Variants in CDH13 observed in about 807,000 individuals in gnomAD.
CDH13 encodes cadherin 13, also known as cadherin-13.
CDH13 carries 24 observed loss-of-function variants against 63.8 expected under a neutral mutation model. The observed-to-expected ratio is 0.38, with a 90% confidence interval of 0.27 to 0.53. CDH13 has a LOEUF of 0.53. Ranked by LOEUF, CDH13 falls within the 20% of genes least tolerant of loss-of-function variation. CDH13 has a pLI of 0.85. For synonymous variants in CDH13, 503 were observed against 355.3 expected (o/e 1.42, Z -4.67); for missense variants, 1,049 against 903.1 (o/e 1.16, Z -2.07).
chr16:82,720,002 G>A (rs552211353), intron 1 of CDH13, among the ~76,000 whole-genome samples: 5 of 152,098 alleles, frequency 3.3e-5, no homozygotes, highest in East Asian at 3.9e-4. Context: ...AAATTCTTAC[G>A]GCACGTTCCT....
At chr16:82,827,054 T>TA (rs1215045507) in intron 1 of CDH13, among the ~76,000 whole-genome samples, 1 of 152,238 alleles carries the variant, frequency 6.6e-6, no homozygotes, top group African/African-American at 2.4e-5. Context: ...AAATAGGGGT[T>TA]ATTTCTATCA....
At chr16:83,050,428 A>G (rs1017679317) in intron 3 of CDH13, among the ~76,000 whole-genome samples, 3 of 152,144 alleles carry the variant, frequency 2.0e-5, no homozygotes, top group Non-Finnish European at 4.4e-5. Flanking sequence ...GCAGTCCTTG[A>G]AATGCTCTTC....
At position 83,222,479 on chromosome 16, in the gene CDH13, T is replaced by A. The variant is rs190102229; in HGVS notation, c.636+4982T>A. 1.9e-4 allele frequency among the ~76,000 whole-genome samples: 29 copies of A among 152,304 alleles called. No homozygotes were observed. In the East Asian group the frequency reaches 4.3e-3, roughly 22 times the overall value. The stretch of plus-strand genomic sequence containing the variant: ...TTATAAGACGATTGGGAGATATAGA[T>A]GTACCCATATTAGAGAGTTATTTAA... On this transcript the variant is annotated intron_variant, in intron 5 of 13. Transcript: ENST00000567109.
intron 2 of CDH13, among the ~76,000 whole-genome samples, chr16:83,027,535 A>G: frequency 6.6e-6 from 1 of 152,152 alleles, no homozygotes; most frequent in Admixed American, 6.5e-5. Context: ...TGCAGTGAAG[A>G]CAAAGGCAGA....
intron 1 of CDH13, among the ~76,000 whole-genome samples, chr16:82,718,203 G>A (rs1459701593): frequency 6.6e-6 from 1 of 152,182 alleles, no homozygotes; most frequent in African/African-American, 2.4e-5. Flanking sequence ...GGGGACTCTG[G>A]GAGACAATGA....
chr16:83,229,824 G>C (rs1003145885), intron 5 of CDH13, among the ~76,000 whole-genome samples: 8 of 152,270 alleles, frequency 5.3e-5, no homozygotes, highest in African/African-American at 1.7e-4. Flanking sequence ...TCCTGTTTCT[G>C]CATGTGGGAC....
chr16:83,462,550 A>G (rs973415022), intron 6 of CDH13, among the ~76,000 whole-genome samples: 3 of 152,210 alleles, frequency 2.0e-5, no homozygotes, highest in Admixed American at 6.5e-5. Context: ...CAGGAGTTTG[A>G]GACCAGCCTG....
intron 1 of CDH13, among the ~76,000 whole-genome samples, chr16:82,855,298 C>T (rs1034189572): frequency 6.6e-6 from 1 of 152,192 alleles, no homozygotes; most frequent in Non-Finnish European, 1.5e-5. Flanking sequence ...CACAGCTCAC[C>T]TGCAGAGTGC....
chr16:82,938,902 C>T (rs2042748313), intron 2 of CDH13, among the ~76,000 whole-genome samples: 1 of 152,050 alleles, frequency 6.6e-6, no homozygotes, highest in African/African-American at 2.4e-5. Flanking sequence ...GAGGACTACT[C>T]CCAGAAAAAG....
At chr16:83,472,848 C>G (rs530126831) in intron 6 of CDH13, among the ~76,000 whole-genome samples, 1 of 152,066 alleles carries the variant, frequency 6.6e-6, no homozygotes, top group Non-Finnish European at 1.5e-5. Context: ...TCAGAGGATA[C>G]GAGGGTGAAT....
intron 2 of CDH13, among the ~76,000 whole-genome samples, chr16:83,015,407 T>G (rs1055699070): frequency 3.3e-5 from 5 of 151,222 alleles, no homozygotes; most frequent in African/African-American, 1.2e-4. Context: ...AAAACCGTAC[T>G]GCTAAAAAGA....
chr16:83,049,445 C>T (rs546632359), intron 3 of CDH13, among the ~76,000 whole-genome samples: 3 of 151,452 alleles, frequency 2.0e-5, no homozygotes, highest in South Asian at 2.1e-4. Context: ...GGCCATTCTC[C>T]TGCCTCATCC....
chr16:83,707,661 C>T (rs1907292728), intron 10 of CDH13, among the ~76,000 whole-genome samples: 1 of 151,864 alleles, frequency 6.6e-6, no homozygotes, highest in African/African-American at 2.4e-5. Context: ...CTTAGATTCC[C>T]CGTGTATCAT....
At position 83,193,005 on chromosome 16, in the gene CDH13, G is replaced by A. The variant is rs2038769842; in HGVS notation, c.484-24340G>A. Among the ~76,000 whole-genome samples, 3 of 152,232 alleles carry A rather than the reference G, an allele frequency of 2.0e-5. No homozygotes were observed. The South Asian group carries it at 6.2e-4, about 32-fold the overall frequency. On this transcript the variant is annotated intron_variant, in intron 4 of 13. Coordinates refer to ENST00000567109, the MANE Select transcript of CDH13 (RefSeq NM_001257.5). ...GTATTTGGAGATTTTGGCAAAGATGGAGGCTGCCCATCATGGGTGACGGTA... is the reference window on the plus strand; with the variant it reads ...GTATTTGGAGATTTTGGCAAAGATGAAGGCTGCCCATCATGGGTGACGGTA...
intron 5 of CDH13, among the ~76,000 whole-genome samples, chr16:83,305,430 C>T (rs1300509371): frequency 2.0e-5 from 3 of 152,218 alleles, no homozygotes; most frequent in Non-Finnish European, 4.4e-5. Flanking sequence ...TTTTAATCTA[C>T]CCGTGTAGCC....
chr16:83,374,522 A>C (rs2091427084), intron 6 of CDH13, among the ~76,000 whole-genome samples: 1 of 152,212 alleles, frequency 6.6e-6, no homozygotes, highest in Non-Finnish European at 1.5e-5. Flanking sequence ...AACATACCCC[A>C]AACTTGAGTT....
At chr16:83,268,894 C>T (rs2088706576) in intron 5 of CDH13, among the ~76,000 whole-genome samples, 1 of 151,908 alleles carries the variant, frequency 6.6e-6, no homozygotes, top group African/African-American at 2.4e-5. Flanking sequence ...CATTCTTTAG[C>T]TCTCTGTTGT....
At chr16:82,955,325 T>A (rs1760391923) in intron 2 of CDH13, among the ~76,000 whole-genome samples, 1 of 152,216 alleles carries the variant, frequency 6.6e-6, no homozygotes, top group South Asian at 2.1e-4. Flanking sequence ...TTTCCAGAAT[T>A]CCTAAAACAT....
chr16:83,472,085 C>A (rs548798782), intron 6 of CDH13, among the ~76,000 whole-genome samples: 3 of 152,188 alleles, frequency 2.0e-5, no homozygotes, highest in Non-Finnish European at 2.9e-5. Context: ...AACACAGTGT[C>A]CTGGGCTGAA....
Sources: gnomAD v4.1 joint callset for allele counts (sites outside exome capture counted in the v4.1 genomes callset) on GRCh38, gnomAD v4.1.1 for gene constraint, MANE v1.5 for transcripts, NCBI Gene and HGNC (gene_info 2026-07-23, HGNC 2026-07-21) for gene names.